Variants in NEXN observed in about 807,000 individuals in gnomAD.
NEXN encodes nexilin.
Under a neutral mutation model 92.6 loss-of-function variants are expected in NEXN, and 65 were observed. That is an observed-to-expected ratio of 0.70 (90% CI 0.57 to 0.86). The LOEUF is 0.86. NEXN is among the 40% of genes least tolerant of loss of function. The probability of loss-of-function intolerance (pLI) is 0.00; values close to 1 mark genes in which losing one functional copy is unlikely to be tolerated. For synonymous variants in NEXN, 254 were observed against 242.5 expected, an observed-to-expected ratio of 1.05 and a Z score of -0.44; for missense variants, 778 against 771.1, an observed-to-expected ratio of 1.01 and a Z score of -0.11.
chr1:77,937,047 C>A (rs1299023122), intron 11 of NEXN, among the ~76,000 whole-genome samples: 1 of 152,182 alleles, frequency 6.6e-6, no homozygotes, highest in Admixed American at 6.5e-5. Flanking sequence ...CAGTGGCTCA[C>A]ACCTGTAGTC....
chr1:77,939,327 T>A (rs908271141), intron 11 of NEXN, among the ~76,000 whole-genome samples: 3 of 152,140 alleles, frequency 2.0e-5, no homozygotes, highest in Non-Finnish European at 2.9e-5. Flanking sequence ...GGTCCTGAAC[T>A]AAGGTGAGAG....
chr1:77,925,011 TGCA>T, intron 5 of NEXN, among the ~76,000 whole-genome samples, 174 bp from the exon 6 acceptor site: 1 of 152,336 alleles, frequency 6.6e-6, no homozygotes, highest in East Asian at 1.9e-4. Context: ...GATATCAATA[TGCA>T]ACAATAAATA....
Position 77,926,829 on chromosome 1 carries a change from A to C in NEXN, c.801A>C (p.Glu267Asp). 1 of 1,614,092 alleles carries C rather than the reference A, an allele frequency of 6.2e-7. No homozygotes were observed. The highest frequency in any genetic ancestry group is 1.3e-5 in the African/African-American group (1 of 75,030). Residue 267 changes from glutamate (E) to aspartate (D), a missense_variant, in exon 8 of 13, where the codon GAA becomes GAC. Physicochemically the swap from Glu to Asp is conservative, Grantham distance 45. This residue lies in a region of NEXN where 532 missense variants were observed against 476.7 expected (regional missense o/e 1.12). Transcript: ENST00000334785. ...QRQENRKKQAEEEARKRLEEE... is the reference protein window; with the variant it reads ...QRQENRKKQADEEARKRLEEE... ...AAGAAAACCGAAAGAAGCAAGCTGA[A>C]GAGGAAGCAAGAAAACGTTTAGAAG...
rs929641570 is a variant in NEXN, at chr1:77,942,552, T to A, written c.1751T>A (p.Phe584Tyr). The A allele has an allele frequency of 3.7e-6, 6 of 1,613,778 alleles. No homozygotes were observed. The highest frequency in any genetic ancestry group is 5.1e-6 in the Non-Finnish European group (6 of 1,179,836). The change falls in exon 13 of 13, where the codon TTC (phenylalanine) becomes TAC (tyrosine). Residue 584 changes from phenylalanine to tyrosine, a missense_variant. Physicochemically the swap from Phe to Tyr is conservative, Grantham distance 22. This residue lies in a region of NEXN where 532 missense variants were observed against 476.7 expected (regional missense o/e 1.12). Coordinates refer to ENST00000334785, the MANE Select transcript of NEXN (RefSeq NM_144573.4). The part of the protein sequence containing the change: ...EEQTRSGAPW[F>Y]KKPLKNTSVV... Reference sequence around the variant, plus strand: ...CAAACCAGATCAGGAGCTCCATGGTTCAAGAAGCCTCTTAAAAACACATCA... The same window carrying A: ...CAAACCAGATCAGGAGCTCCATGGTACAAGAAGCCTCTTAAAAACACATCA...
At chr1:77,902,757 A>C (rs1647822794) in intron 1 of NEXN, among the ~76,000 whole-genome samples, 1 of 152,216 alleles carries the variant, frequency 6.6e-6, no homozygotes, top group Admixed American at 6.5e-5. Context: ...TGAGATGTTT[A>C]CCAATATAAA....
Position 77,933,291 on chromosome 1 carries a change from G to T in NEXN, c.1063G>T (p.Asp355Tyr). Residue 355 changes from aspartate to tyrosine, a missense_variant, in exon 10 of 13, where the codon GAT becomes TAT. By Grantham distance (160) the Asp-to-Tyr change is radical. Transcript: ENST00000334785. ...AEARRNMVVD[D>Y]DSPEMYKTIS... ...TAATTATTTTAAATAGGTAGTAGAT[G>T]ATGACTCCCCAGAGATGTATAAGAC... 1 of 1,588,564 alleles carries T rather than the reference G, an allele frequency of 6.3e-7. No homozygotes were observed. Among genetic ancestry groups the T allele is most frequent in the South Asian group, 1.1e-5 (1 of 89,928 alleles).
At position 77,943,122 on chromosome 1, in the gene NEXN, A is replaced by T; in HGVS notation, c.*293A>T. 1 of 385,196 alleles carries T rather than the reference A, an allele frequency of 2.6e-6. No individual in the cohort carries two copies. Among genetic ancestry groups the T allele is most frequent in the South Asian group, 2.2e-5 (1 of 45,064 alleles). The allele number at this position is 385,196 out of a possible 1,614,324, so 23.9% of individuals were successfully genotyped here. On this transcript the variant is annotated 3_prime_UTR_variant, in exon 13 of 13. Transcript: ENST00000334785. ...TCAGATTTATCGCCTATTATGCAGTAACAGTCAATAAAATGTACTTATGGG... is the reference window on the plus strand; with the variant it reads ...TCAGATTTATCGCCTATTATGCAGTTACAGTCAATAAAATGTACTTATGGG...
chr1:77,897,752 T>C (rs905437468), intron 1 of NEXN, among the ~76,000 whole-genome samples: 121 of 152,350 alleles, frequency 7.9e-4, no homozygotes, highest in African/African-American at 2.7e-3. Context: ...ATTGTATATG[T>C]AGAAAACCCC....
At chr1:77,922,810 C>A (rs1319527153) in intron 5 of NEXN, among the ~76,000 whole-genome samples, 1 of 149,808 alleles carries the variant, frequency 6.7e-6, no homozygotes, top group Non-Finnish European at 1.5e-5. Context: ...TTAGCCAGGA[C>A]AGTCTCGATC....
intron 1 of NEXN, among the ~76,000 whole-genome samples, chr1:77,899,655 TAATAA>T (rs1647532619): frequency 6.6e-6 from 1 of 150,726 alleles, no homozygotes; most frequent in South Asian, 2.1e-4. Context: ...AATATAATAA[TAATAA>T]AATAAAAAAA....
intron 10 of NEXN, among the ~76,000 whole-genome samples, chr1:77,934,298 A>G (rs1448325747): frequency 2.0e-5 from 3 of 152,006 alleles, no homozygotes; most frequent in Non-Finnish European, 4.4e-5. Flanking sequence ...GGCATGAGCC[A>G]CCGCACCCGG....
At position 77,917,639 on chromosome 1, in the gene NEXN, A is replaced by G. The variant is rs1250728392; in HGVS notation, c.101A>G (p.Lys34Arg). The change falls in exon 3 of 13, where the codon AAG becomes AGG. Residue 34 changes from lysine to arginine, a missense_variant. By Grantham distance (26) the Lys-to-Arg change is conservative. Transcript: ENST00000334785. The stretch of plus-strand genomic sequence containing the variant: ...CTTGGCAAGGGTGATGTAAAGGATA[A>G]GTTTGAAGCCATGCAGAGAGCCAGG... ...PKLGKGDVKD[K>R]FEAMQRAREE... 11 of 1,613,594 alleles carry G rather than the reference A, an allele frequency of 6.8e-6. No individual in the cohort carries two copies. Among genetic ancestry groups the G allele is most frequent in the Non-Finnish European group, 8.5e-6 (10 of 1,179,714 alleles).
At chr1:77,910,191 G>A (rs1648448096) in intron 1 of NEXN, among the ~76,000 whole-genome samples, 1 of 152,160 alleles carries the variant, frequency 6.6e-6, no homozygotes, top group Non-Finnish European at 1.5e-5. Flanking sequence ...CTGATAAACG[G>A]CATCTAAGAA....
intron 5 of NEXN, among the ~76,000 whole-genome samples, chr1:77,921,513 C>G (rs920256655): frequency 2.6e-5 from 4 of 152,022 alleles, no homozygotes; most frequent in Admixed American, 2.6e-4. Flanking sequence ...GGTGCAATCA[C>G]AGCTCATTGC....
chr1:77,938,372 C>T (rs921964384), intron 11 of NEXN, among the ~76,000 whole-genome samples: 1 of 151,942 alleles, frequency 6.6e-6, no homozygotes, highest in Non-Finnish European at 1.5e-5. Flanking sequence ...AGTCTACAGC[C>T]GGGTGCGGTG....
intron 10 of NEXN, 90 bp from the exon 11 acceptor site, chr1:77,935,733 G>A: frequency 8.6e-7 from 1 of 1,167,404 alleles, no homozygotes; most frequent in Non-Finnish European, 1.3e-6. Flanking sequence ...CAGGAGGATT[G>A]CTTAAACACA....
chr1:77,916,831 A>G (rs1649014550), intron 2 of NEXN, among the ~76,000 whole-genome samples: 1 of 152,190 alleles, frequency 6.6e-6, no homozygotes, highest in East Asian at 1.9e-4. Context: ...AGAGTGGAGG[A>G]AAATCATTTC....
At chr1:77,933,235 A>G (rs1162777143) in intron 9 of NEXN, 47 bp from the exon 10 acceptor site, 1 of 1,124,246 alleles carries the variant, frequency 8.9e-7, no homozygotes, top group Non-Finnish European at 1.3e-6. Flanking sequence ...GTCCCTTTTT[A>G]GTATGTGTAA....
At chr1:77,929,244 C>A in intron 8 of NEXN, 72 bp from the exon 9 acceptor site, 1 of 1,109,662 alleles carries the variant, frequency 9.0e-7, no homozygotes, top group Non-Finnish European at 1.4e-6. Context: ...TAATTCTGTG[C>A]CTTTTGATTA....
Sources: gnomAD v4.1 joint callset for allele counts (sites outside exome capture counted in the v4.1 genomes callset) on GRCh38, gnomAD v4.1.1 for gene constraint, gnomAD v4.1.1 regional missense constraint, MANE v1.5 for transcripts, NCBI Gene and HGNC (gene_info 2026-07-23, HGNC 2026-07-21) for gene names.